RBFOX1: variants seen among roughly 807,000 people sequenced by gnomAD.
The protein encoded by RBFOX1 is RNA binding protein fox-1 homolog 1.
RBFOX1 carries 8 observed loss-of-function variants against 57.7 expected under a neutral mutation model. The observed-to-expected ratio is 0.14, with a 90% confidence interval of 0.08 to 0.25. The LOEUF is 0.25. Among genes scored for constraint, RBFOX1 ranks in the 10% least tolerant of loss-of-function variants. The pLI, the probability that RBFOX1 is intolerant of heterozygous loss-of-function variation, is 1.00. For missense variants in RBFOX1, 611 were observed against 548.5 expected (o/e 1.11, Z -1.14); for synonymous variants, 326 against 222.4 (o/e 1.47, Z -4.15).
intron 4 of RBFOX1, among the ~76,000 whole-genome samples, chr16:7,255,576 T>C (rs1000764707): frequency 3.3e-5 from 5 of 152,216 alleles, no homozygotes; most frequent in Non-Finnish European, 7.3e-5. Context: ...TTTTAAAGCA[T>C]GTTTATATTT....
At chr16:7,027,560 A>T (rs1402383203) in intron 3 of RBFOX1, among the ~76,000 whole-genome samples, 1 of 152,034 alleles carries the variant, frequency 6.6e-6, no homozygotes, top group Non-Finnish European at 1.5e-5. Flanking sequence ...GGTTTCTCTT[A>T]GTCTTAGACC....
chr16:5,320,534 T>A (rs2064373724), intron 1 of RBFOX1, among the ~76,000 whole-genome samples: 1 of 152,190 alleles, frequency 6.6e-6, no homozygotes, highest in Non-Finnish European at 1.5e-5. Flanking sequence ...ATAAAATTCA[T>A]CAAGTCTCAC....
intron 4 of RBFOX1, among the ~76,000 whole-genome samples, chr16:7,240,347 A>G (rs991175480): frequency 2.6e-5 from 4 of 152,170 alleles, no homozygotes; most frequent in Non-Finnish European, 4.4e-5. Context: ...TACTTTACAT[A>G]TATTAATGAT....
At chr16:6,230,491 T>C (rs1034128459) in intron 1 of RBFOX1, among the ~76,000 whole-genome samples, 1 of 152,142 alleles carries the variant, frequency 6.6e-6, no homozygotes, top group Non-Finnish European at 1.5e-5. Context: ...GGTAGTGTAT[T>C]AGTCAGTGTC....
At chr16:7,236,128 G>T (rs930063964) in intron 4 of RBFOX1, among the ~76,000 whole-genome samples, 2 of 152,060 alleles carry the variant, frequency 1.3e-5, no homozygotes, top group Admixed American at 6.6e-5. Context: ...TTTCTTGTTT[G>T]TGTCATATCC....
rs79839865 is a variant in RBFOX1 at position 6,791,040 on chromosome 16, G to A, written c.-16+136390G>A. Among the ~76,000 whole-genome samples, 3,349 of 152,032 alleles carry A rather than the reference G, an allele frequency of 0.022. 253 individuals are homozygous for A. In the East Asian group the frequency reaches 0.28, roughly 13 times the overall value. ...TCCACTTCAGCCTTCTGAGCAGATG[G>A]GACCACAGGCATGCCACCACAATAC... On this transcript the variant is annotated intron_variant, in intron 3 of 15. Transcript: ENST00000550418.
intron 1 of RBFOX1, among the ~76,000 whole-genome samples, chr16:5,445,587 C>T (rs947043261): frequency 1.3e-5 from 2 of 152,202 alleles, no homozygotes; most frequent in Non-Finnish European, 2.9e-5. Flanking sequence ...TAGGTGAGGA[C>T]AGTCAGAGGT....
intron 14 of RBFOX1, among the ~76,000 whole-genome samples, chr16:7,703,985 A>T (rs2081591921): frequency 1.3e-5 from 2 of 152,224 alleles, no homozygotes; most frequent in African/African-American, 2.4e-5. Flanking sequence ...CATGTATCAT[A>T]ATCTCCTCTA....
chr16:7,211,228 A>G (rs866891193), intron 4 of RBFOX1, among the ~76,000 whole-genome samples: 3 of 151,926 alleles, frequency 2.0e-5, no homozygotes, highest in South Asian at 4.2e-4. Context: ...CGTCTCTACT[A>G]AAAACACAAA....
At chr16:7,686,068 G>C (rs1272213212) in intron 14 of RBFOX1, among the ~76,000 whole-genome samples, 1 of 151,892 alleles carries the variant, frequency 6.6e-6, no homozygotes, top group Non-Finnish European at 1.5e-5. Flanking sequence ...GCGTGGTTGT[G>C]AGAATCCATT....
intron 3 of RBFOX1, among the ~76,000 whole-genome samples, chr16:5,702,916 T>A (rs1428983794): frequency 2.0e-5 from 3 of 152,214 alleles, no homozygotes; most frequent in Non-Finnish European, 4.4e-5. Flanking sequence ...TTCATCTTAT[T>A]GTATCTGTTA....
intron 1 of RBFOX1, among the ~76,000 whole-genome samples, chr16:6,089,657 A>AG (rs1231911462): frequency 6.6e-6 from 1 of 152,156 alleles, no homozygotes; most frequent in African/African-American, 2.4e-5. Context: ...TGGTTACCTG[A>AG]GTACGGGGTC....
At chr16:5,686,201 A>T (rs1442350269) in intron 3 of RBFOX1, among the ~76,000 whole-genome samples, 1 of 152,170 alleles carries the variant, frequency 6.6e-6, no homozygotes, top group African/African-American at 2.4e-5. Context: ...CAAGAGGAAG[A>T]TACACACAGA....
At chr16:7,570,992 G>T (rs776425483) in intron 5 of RBFOX1, among the ~76,000 whole-genome samples, 1 of 152,128 alleles carries the variant, frequency 6.6e-6, no homozygotes, top group African/African-American at 2.4e-5. Flanking sequence ...ACAGAAAACC[G>T]AACACTGCAT....
chr16:6,581,602 A>T (rs2097538446), intron 2 of RBFOX1, among the ~76,000 whole-genome samples: 1 of 152,214 alleles, frequency 6.6e-6, no homozygotes, highest in Non-Finnish European at 1.5e-5. Flanking sequence ...CATGTCAGTC[A>T]TGTTGCCTGT....
Position 6,202,817 on chromosome 16 carries a change from T to TCA in RBFOX1, c.-126-114177_-126-114176dup, listed in dbSNP as rs201267968. Among the ~76,000 whole-genome samples the TCA allele has an allele frequency of 5.1e-3, 771 of 152,292 alleles. 4 individuals are homozygous for TCA. The highest frequency in any genetic ancestry group is 0.018 in the African/African-American group (742 of 41,566). ...TTCATTTTGTTTCTGAGACAGGATC[T>TCA]CATTCTGTTGCCCAGGCTGGAGTGC... On this transcript the variant is annotated intron_variant, in intron 1 of 15. Coordinates refer to ENST00000550418, the MANE Select transcript of RBFOX1 (RefSeq NM_018723.4).
chr16:6,868,513 C>G (rs969185498), intron 3 of RBFOX1, among the ~76,000 whole-genome samples: 2 of 151,964 alleles, frequency 1.3e-5, no homozygotes, highest in African/African-American at 2.4e-5. Flanking sequence ...ACTCTGTCAC[C>G]CAGGCTGGAG....
At chr16:5,409,602 A>T (rs1387108568) in intron 1 of RBFOX1, among the ~76,000 whole-genome samples, 3 of 152,208 alleles carry the variant, frequency 2.0e-5, no homozygotes, top group Non-Finnish European at 4.4e-5. Flanking sequence ...GGCATGTTCT[A>T]GGTGCTGGGA....
At chr16:5,731,603 G>A (rs796988008) in intron 3 of RBFOX1, among the ~76,000 whole-genome samples, 2 of 152,138 alleles carry the variant, frequency 1.3e-5, no homozygotes, top group African/African-American at 2.4e-5. Flanking sequence ...AAGAATGTGG[G>A]CATGAACTAT....
Sources: gnomAD v4.1 joint callset for allele counts (sites outside exome capture counted in the v4.1 genomes callset) on GRCh38, gnomAD v4.1.1 for gene constraint, MANE v1.5 for transcripts, NCBI Gene and HGNC (gene_info 2026-07-23, HGNC 2026-07-21) for gene names.